Variants in NME7 observed in about 807,000 individuals in gnomAD.
NME7 encodes nucleoside diphosphate kinase 7.
In NME7, 41 loss-of-function variants were observed where a neutral mutation model predicts 49.1. The ratio of observed to expected loss-of-function variants is 0.83; its 90% CI spans 0.65 to 1.08. NME7 has a LOEUF of 1.08. Ranked by LOEUF, NME7 falls within the 50% of genes least tolerant of loss-of-function variation. The pLI is 0.00. For synonymous variants in NME7, 139 were observed against 150.6 expected (o/e 0.92, Z 0.56); for missense variants, 423 against 463.4 (o/e 0.91, Z 0.80).
intron 11 of NME7, among the ~76,000 whole-genome samples, chr1:169,142,600 G>A (rs1378775627): frequency 6.6e-6 from 1 of 152,154 alleles, no homozygotes; most frequent in Non-Finnish European, 1.5e-5. Flanking sequence ...AAAAACCCAG[G>A]ATTACTAGTT....
intron 10 of NME7, among the ~76,000 whole-genome samples, chr1:169,208,422 A>G (rs1214392442): frequency 6.6e-6 from 1 of 152,124 alleles, no homozygotes; most frequent in Admixed American, 6.6e-5. Context: ...CTTCAGGCCA[A>G]CTTTACTGTG....
intron 10 of NME7, among the ~76,000 whole-genome samples, chr1:169,228,007 TAAAG>T (rs1394584893): frequency 2.7e-5 from 4 of 148,426 alleles, no homozygotes; most frequent in South Asian, 4.2e-4. Flanking sequence ...ATAACAAAAA[TAAAG>T]ATAGAAAAAA....
intron 10 of NME7, among the ~76,000 whole-genome samples, chr1:169,203,918 T>G (rs1660613081): frequency 6.6e-6 from 1 of 152,016 alleles, no homozygotes; most frequent in African/African-American, 2.4e-5. Flanking sequence ...GTGCAGTAGT[T>G]TGATCAAAGC....
intron 9 of NME7, among the ~76,000 whole-genome samples, 186 bp downstream of exon 9, chr1:169,234,945 C>G (rs964998841): frequency 3.9e-5 from 6 of 152,128 alleles, no homozygotes; most frequent in African/African-American, 9.7e-5. Flanking sequence ...TTGGCTCGCT[C>G]TCTCCTGATT....
intron 10 of NME7, among the ~76,000 whole-genome samples, chr1:169,177,922 C>T (rs899769714): frequency 6.6e-6 from 1 of 152,048 alleles, no homozygotes; most frequent in Non-Finnish European, 1.5e-5. Flanking sequence ...CTGCAAGCTC[C>T]GCCTCCCAGG....
chr1:169,208,188 A>G (rs1401039924), intron 10 of NME7, among the ~76,000 whole-genome samples: 2 of 152,256 alleles, frequency 1.3e-5, no homozygotes, highest in East Asian at 3.9e-4. Context: ...TATGTCTATT[A>G]TTGCAATTAT....
At chr1:169,299,641 A>T (rs1650862551) in intron 5 of NME7, among the ~76,000 whole-genome samples, 1 of 151,972 alleles carries the variant, frequency 6.6e-6, no homozygotes, top group African/African-American at 2.4e-5. Flanking sequence ...CTAACTTATG[A>T]CTATTTTTTA....
chr1:169,167,247 CTA>C (rs1200574270), intron 11 of NME7, among the ~76,000 whole-genome samples: 3 of 152,022 alleles, frequency 2.0e-5, no homozygotes, highest in Non-Finnish European at 2.9e-5. Flanking sequence ...ATACCTCACA[CTA>C]TATGTCTAAT....
chr1:169,181,015 C>G (rs4656658), intron 10 of NME7, among the ~76,000 whole-genome samples: 37,806 of 151,970 alleles, frequency 0.25, 5,566 homozygotes, highest in Non-Finnish European at 0.34. Flanking sequence ...TGAGCCAAGA[C>G]TAATAATATC....
intron 11 of NME7, among the ~76,000 whole-genome samples, chr1:169,167,821 T>C (rs1189462782): frequency 6.6e-6 from 1 of 152,176 alleles, no homozygotes; most frequent in Non-Finnish European, 1.5e-5. Flanking sequence ...ATACAACACA[T>C]GTGTCATGGT....
chr1:169,357,349 A>AGAT (rs1275632721), intron 1 of NME7, among the ~76,000 whole-genome samples: 1 of 152,084 alleles, frequency 6.6e-6, no homozygotes, highest in African/African-American at 2.4e-5. Flanking sequence ...GTGGGCAGAA[A>AGAT]GATGAGTTCA....
intron 3 of NME7, among the ~76,000 whole-genome samples, chr1:169,321,023 A>G (rs1021844089): frequency 2.6e-5 from 4 of 152,138 alleles, no homozygotes; most frequent in Non-Finnish European, 4.4e-5. Context: ...AACAACATTC[A>G]CTTCAGTCAA....
intron 7 of NME7, among the ~76,000 whole-genome samples, chr1:169,254,452 C>A (rs1244439117): frequency 6.6e-6 from 1 of 151,790 alleles, no homozygotes; most frequent in East Asian, 2.0e-4. Flanking sequence ...ATTCTTCTCT[C>A]TTTTTTTCTT....
intron 10 of NME7, among the ~76,000 whole-genome samples, chr1:169,224,408 T>G (rs949448005): frequency 6.6e-6 from 1 of 152,224 alleles, no homozygotes; most frequent in Non-Finnish European, 1.5e-5. Flanking sequence ...TTTCCAAGTC[T>G]GAACCTTCCT....
intron 5 of NME7, among the ~76,000 whole-genome samples, chr1:169,301,428 C>T (rs1289859252): frequency 2.0e-5 from 3 of 151,992 alleles, no homozygotes; most frequent in East Asian, 1.9e-4. Flanking sequence ...AAATAACATG[C>T]TGGCAAGACT....
At chr1:169,141,456 A>C (rs183126483) in intron 11 of NME7, among the ~76,000 whole-genome samples, 42 of 152,324 alleles carry the variant, frequency 2.8e-4, no homozygotes, top group Admixed American at 2.7e-3. Context: ...TATAAACAAT[A>C]AACAGTGATT....
chr1:169,152,190 G>C (rs1214151298), intron 11 of NME7, among the ~76,000 whole-genome samples: 10 of 151,982 alleles, frequency 6.6e-5, no homozygotes, highest in African/African-American at 2.2e-4. Context: ...TTTTCTAATG[G>C]ACAAGTTAAG....
chr1:169,172,099 C>T lies in NME7; in HGVS notation c.991-2545G>A, dbSNP rs558491328. ...TCATGCAGCCCTCCAACTAACCACCCTGCTTAAGGCCCCATGCCCTTCCTC... is the reference window on the plus strand; with the variant it reads ...TCATGCAGCCCTCCAACTAACCACCTTGCTTAAGGCCCCATGCCCTTCCTC... On this transcript the variant is annotated intron_variant, in intron 10 of 11. Coordinates refer to ENST00000367811, the MANE Select transcript of NME7 (RefSeq NM_013330.5). Among the ~76,000 whole-genome samples the T allele has an allele frequency of 7.0e-4, 104 of 149,424 alleles. 1 individual carries two copies. The highest frequency in any genetic ancestry group is 2.4e-3 in the African/African-American group (96 of 40,624).
intron 7 of NME7, among the ~76,000 whole-genome samples, chr1:169,245,199 CA>C (rs34123578): frequency 0.083 from 12,601 of 152,132 alleles, 708 homozygotes; most frequent in Admixed American, 0.19. Flanking sequence ...ATATACCTCA[CA>C]GCAATCTTGC....
Sources: gnomAD v4.1 joint callset for allele counts (sites outside exome capture counted in the v4.1 genomes callset) on GRCh38, gnomAD v4.1.1 for gene constraint, MANE v1.5 for transcripts, NCBI Gene and HGNC (gene_info 2026-07-23, HGNC 2026-07-21) for gene names.